Variants in FAM53A observed in about 807,000 individuals in gnomAD.
FAM53A encodes the protein family with sequence similarity 53 member A, also known as protein FAM53A.
In FAM53A, 28 loss-of-function variants were observed where a neutral mutation model predicts 26.6. That is an observed-to-expected ratio of 1.05 (90% CI 0.78 to 1.45). FAM53A has a LOEUF of 1.45. FAM53A is among the 40% of genes most tolerant of loss of function. The probability of loss-of-function intolerance (pLI) is 0.00; values close to 1 mark genes in which losing one functional copy is unlikely to be tolerated. For synonymous variants in FAM53A, 290 were observed against 253.1 expected (o/e 1.15, Z -1.38); for missense variants, 650 against 575.8 (o/e 1.13, Z -1.32).
At chr4:1,663,590 C>T (rs12646739) in intron 2 of FAM53A, among the ~76,000 whole-genome samples, 49,557 of 152,006 alleles carry the variant, frequency 0.33, 9,657 homozygotes, top group East Asian at 0.68. Context: ...ACAGGCTGTC[C>T]ACCACGGCAG....
chr4:1,586,098 A>G, the FAM53A span, among the ~76,000 whole-genome samples: 23 of 152,094 alleles, frequency 1.5e-4, no homozygotes, highest in African/African-American at 4.8e-4. Flanking sequence ...TCCTTTATTC[A>G]TCTGTCAATG....
At chr4:1,681,118 T>C (rs1323649612) in intron 1 of FAM53A, among the ~76,000 whole-genome samples, 2 of 152,036 alleles carry the variant, frequency 1.3e-5, no homozygotes, top group African/African-American at 2.4e-5. Flanking sequence ...TTTTTTGAGA[T>C]GAAGTTTCGC....
chr4:1,680,259 C>T (rs1457154891), intron 1 of FAM53A, among the ~76,000 whole-genome samples: 14 of 130,232 alleles, frequency 1.1e-4, no homozygotes, highest in Admixed American at 2.8e-4. Flanking sequence ...GCGGAGGTTT[C>T]GGTGAGCCGA....
the FAM53A span, among the ~76,000 whole-genome samples, chr4:1,612,033 CTGTT>C: frequency 6.6e-6 from 1 of 152,206 alleles, no homozygotes; most frequent in Admixed American, 6.5e-5. Flanking sequence ...TTAAAAGTCT[CTGTT>C]TGCCTAAATG....
the FAM53A span, among the ~76,000 whole-genome samples, chr4:1,611,334 G>C: frequency 6.6e-6 from 1 of 152,156 alleles, no homozygotes; most frequent in African/African-American, 2.4e-5. Flanking sequence ...ACCCCAGTTC[G>C]AAGCCTTGGT....
the FAM53A span, among the ~76,000 whole-genome samples, chr4:1,608,167 C>A: frequency 6.6e-6 from 1 of 150,380 alleles, no homozygotes; most frequent in Non-Finnish European, 1.5e-5. Context: ...GAGAACAAAA[C>A]CCCAGCTCAG....
chr4:1,579,837 G>T, the FAM53A span, among the ~76,000 whole-genome samples: 9 of 152,056 alleles, frequency 5.9e-5, no homozygotes, highest in African/African-American at 2.2e-4. Context: ...CGCAGGGGCC[G>T]AGCATCCGCC....
intron 4 of FAM53A, among the ~76,000 whole-genome samples, chr4:1,648,705 C>T (rs1465499913): frequency 3.3e-5 from 5 of 152,218 alleles, no homozygotes; most frequent in East Asian, 1.9e-4. Flanking sequence ...ACCTGGCCCC[C>T]ACATGAAGCA....
chr4:1,619,191 A>G (rs1249471321), intron 1 of FAM53A, among the ~76,000 whole-genome samples: 2 of 152,182 alleles, frequency 1.3e-5, no homozygotes, highest in African/African-American at 4.8e-5. Flanking sequence ...GTTACTAACG[A>G]GTCACTGAAC....
upstream of FAM53A, among the ~76,000 whole-genome samples, chr4:1,684,986 G>A (rs991000083): frequency 1.2e-4 from 18 of 152,136 alleles, no homozygotes; most frequent in African/African-American, 4.3e-4. Flanking sequence ...GAGGGTGGCG[G>A]GCAGCGGAAG....
intron 4 of FAM53A, among the ~76,000 whole-genome samples, chr4:1,652,316 TCA>T (rs202108928): frequency 0.11 from 11,807 of 108,186 alleles, 1,447 homozygotes; most frequent in African/African-American, 0.33. Context: ...ACCACACACG[TCA>T]CACACACCAT....
chr4:1,636,695 T>C (rs1318978320), downstream of FAM53A, among the ~76,000 whole-genome samples: 1 of 152,230 alleles, frequency 6.6e-6, no homozygotes, highest in Non-Finnish European at 1.5e-5. Context: ...AATCCACCTC[T>C]GTCAGAGGAG....
chr4:1,668,175 T>G (rs985420778), intron 2 of FAM53A, among the ~76,000 whole-genome samples: 2 of 151,430 alleles, frequency 1.3e-5, no homozygotes, highest in African/African-American at 4.9e-5. Context: ...GGAGTCTCGC[T>G]CTGTCCCAGG....
At position 1,657,413 on chromosome 4, in the gene FAM53A, A is replaced by T; in HGVS notation, c.131T>A (p.Leu44His). Residue 44 changes from leucine (L) to histidine (H), a missense_variant, in exon 3 of 5, where the codon CTC (leucine) becomes CAC (histidine). Transcript: ENST00000308132. ...NKSGRLFPLE[L>H]NDQSPWKVFS... ...ACAGCTCCTAAAGTGCTCACCGTTG[A>T]GCTCCAAAGGGAACAGACGACCGCT... 6.2e-7 allele frequency: 1 copy of T among 1,613,486 alleles called. No homozygotes were observed. The highest frequency in any genetic ancestry group is 8.5e-7 in the Non-Finnish European group (1 of 1,179,686).
the FAM53A span, among the ~76,000 whole-genome samples, chr4:1,580,797 C>A: frequency 7.2e-6 from 1 of 138,142 alleles, no homozygotes; most frequent in African/African-American, 2.8e-5. Context: ...CACCCAGGCC[C>A]CGCCTCCCAC....
chr4:1,628,768 G>C (rs1715470479), intron 1 of FAM53A, among the ~76,000 whole-genome samples: 1 of 45,382 alleles, frequency 2.2e-5, no homozygotes, highest in Non-Finnish European at 4.4e-5. Context: ...AGGGTGGCAT[G>C]GGGGAGTGGC....
chr4:1,614,479 G>A (rs1476567823), downstream of FAM53A, among the ~76,000 whole-genome samples: 1 of 142,510 alleles, frequency 7.0e-6, no homozygotes, highest in Admixed American at 6.9e-5. Flanking sequence ...GGGGGATGCA[G>A]AGACGTGAGG....
intron 4 of FAM53A, 138 bp downstream of exon 4, chr4:1,654,840 C>T: frequency 8.0e-7 from 1 of 1,244,426 alleles, no homozygotes; most frequent in South Asian, 1.9e-5. Flanking sequence ...AGATGGCTCT[C>T]CTCACTCCTT....
At chr4:1,672,309 AACCCATGG>A (rs1290322153) in intron 1 of FAM53A, among the ~76,000 whole-genome samples, 4 of 147,434 alleles carry the variant, frequency 2.7e-5, no homozygotes, top group African/African-American at 7.8e-5. Context: ...GGAACCCATG[AACCCATGG>A]ACCCACAAAC....
Sources: gnomAD v4.1 joint callset for allele counts (sites outside exome capture counted in the v4.1 genomes callset) on GRCh38, gnomAD v4.1.1 for gene constraint, MANE v1.5 for transcripts, NCBI Gene and HGNC (gene_info 2026-07-23, HGNC 2026-07-21) for gene names.